Variants in MAF observed in about 807,000 individuals in gnomAD.
MAF encodes the protein MAF bZIP transcription factor.
Under a neutral mutation model 22.0 loss-of-function variants are expected in MAF, and 10 were observed. The ratio of observed to expected loss-of-function variants is 0.45; its 90% confidence interval spans 0.28 to 0.77. MAF has a LOEUF of 0.77. Ranked by LOEUF, MAF falls within the 30% of genes least tolerant of loss-of-function variation. MAF has a pLI of 0.12. For synonymous variants in MAF, 337 were observed against 255.8 expected (o/e 1.32, Z -3.03); for missense variants, 544 against 548.4 (o/e 0.99, Z 0.08).
intron 1 of MAF, chr16:79,595,436 G>GAAAAC (rs1913459246): frequency 9.5e-7 from 1 of 1,056,596 alleles, no homozygotes; most frequent in Non-Finnish European, 1.1e-6. Flanking sequence ...AAGAACGGCA[G>GAAAAC]AAAACAAAAC....
At chr16:79,390,540 A>C in the MAF span, among the ~76,000 whole-genome samples, 1 of 152,158 alleles carries the variant, frequency 6.6e-6, no homozygotes, top group African/African-American at 2.4e-5. Context: ...TCTTTTTACA[A>C]CTGCTAACAA....
At chr16:79,314,272 G>C in the MAF span, among the ~76,000 whole-genome samples, 1 of 152,152 alleles carries the variant, frequency 6.6e-6, no homozygotes, top group Non-Finnish European at 1.5e-5. Context: ...CACATTTGAG[G>C]TGACCTCCTC....
At chr16:79,587,207 T>C (rs1216785701) in intron 1 of MAF, among the ~76,000 whole-genome samples, 1 of 152,216 alleles carries the variant, frequency 6.6e-6, no homozygotes, top group African/African-American at 2.4e-5. Flanking sequence ...TCACATTTTG[T>C]ATAGAAATGC....
the MAF span, among the ~76,000 whole-genome samples, chr16:79,527,338 C>T: frequency 6.6e-6 from 1 of 152,166 alleles, no homozygotes; most frequent in Non-Finnish European, 1.5e-5. Flanking sequence ...ATCTAAATAA[C>T]CTCAAAAAGA....
the MAF span, among the ~76,000 whole-genome samples, chr16:79,344,275 T>A: frequency 2.0e-5 from 3 of 152,236 alleles, no homozygotes; most frequent in Non-Finnish European, 4.4e-5. Context: ...ATAACTCACC[T>A]GAGACTACCC....
At position 79,587,266 on chromosome 16, in the gene MAF, AT is replaced by A. The variant is rs886951820; in HGVS notation, c.1119-1326del. Reference sequence around the variant, plus strand: ...TACTCGCCTTTACGTATTAGTATACATTTTTTTTTGCCAAATATATAATTTC... The same window carrying A: ...TACTCGCCTTTACGTATTAGTATACATTTTTTTTGCCAAATATATAATTTC... On this transcript the variant is annotated intron_variant, in intron 1 of 1. Coordinates refer to the MAF transcript ENST00000569649. Among the ~76,000 whole-genome samples, 345 of 151,428 alleles carry A rather than the reference AT, an allele frequency of 2.3e-3. 1 individual carries two copies. Among genetic ancestry groups the A allele is most frequent in the Middle Eastern group, 6.8e-3 (2 of 292 alleles).
At chr16:79,396,888 G>A in the MAF span, among the ~76,000 whole-genome samples, 4 of 152,240 alleles carry the variant, frequency 2.6e-5, no homozygotes, top group African/African-American at 9.6e-5. Flanking sequence ...AAGCACTCCA[G>A]AATATCAGGT....
the MAF span, among the ~76,000 whole-genome samples, chr16:79,577,091 G>A: frequency 2.0e-5 from 3 of 151,868 alleles, no homozygotes; most frequent in Admixed American, 1.3e-4. Flanking sequence ...CTCTTTTTCA[G>A]TAGAAAAAAA....
the MAF span, among the ~76,000 whole-genome samples, chr16:79,222,100 G>C: frequency 6.6e-6 from 1 of 152,054 alleles, no homozygotes; most frequent in African/African-American, 2.4e-5. Context: ...TAGAAATGAT[G>C]TTTAAGACTA....
At chr16:79,417,875 C>A in the MAF span, among the ~76,000 whole-genome samples, 11 of 152,064 alleles carry the variant, frequency 7.2e-5, no homozygotes, top group African/African-American at 2.7e-4. Context: ...TCCACGATAA[C>A]GCATCCGTAT....
At chr16:79,362,103 C>T in the MAF span, among the ~76,000 whole-genome samples, 4 of 152,180 alleles carry the variant, frequency 2.6e-5, no homozygotes, top group East Asian at 1.9e-4. Flanking sequence ...TGATATCATG[C>T]CTCAGTTTCC....
At chr16:79,547,110 T>A in the MAF span, among the ~76,000 whole-genome samples, 6 of 152,090 alleles carry the variant, frequency 3.9e-5, no homozygotes, top group East Asian at 1.9e-4. Flanking sequence ...CTAGCACTGT[T>A]GGGGGAGGCA....
At chr16:79,379,192 G>C in the MAF span, among the ~76,000 whole-genome samples, 2 of 152,180 alleles carry the variant, frequency 1.3e-5, no homozygotes, top group Non-Finnish European at 2.9e-5. Flanking sequence ...AAGAGAAACA[G>C]CTCTCATCTT....
At chr16:79,569,895 T>A in the MAF span, among the ~76,000 whole-genome samples, 1 of 152,158 alleles carries the variant, frequency 6.6e-6, no homozygotes, top group African/African-American at 2.4e-5. Flanking sequence ...ACAATTGACG[T>A]TGGCTTCATG....
the MAF span, among the ~76,000 whole-genome samples, chr16:79,547,914 G>GAC: frequency 0.14 from 20,267 of 142,828 alleles, 1,448 homozygotes; most frequent in South Asian, 0.17. Flanking sequence ...GAGAGAGAGA[G>GAC]AGAGATAGAG....
At chr16:79,303,888 A>C in the MAF span, among the ~76,000 whole-genome samples, 1 of 152,204 alleles carries the variant, frequency 6.6e-6, no homozygotes, top group South Asian at 2.1e-4. Context: ...AAATCAACTT[A>C]TGTCATGTCA....
the MAF span, among the ~76,000 whole-genome samples, chr16:79,406,466 C>G: frequency 6.6e-5 from 10 of 152,302 alleles, no homozygotes; most frequent in Non-Finnish European, 1.0e-4. Flanking sequence ...TGAATTTAGG[C>G]TGGCTTCCGG....
chr16:79,440,309 G>T, the MAF span, among the ~76,000 whole-genome samples: 1 of 152,234 alleles, frequency 6.6e-6, no homozygotes, highest in African/African-American at 2.4e-5. Context: ...CACCCCAGTG[G>T]AAGGGCTGTG....
At chr16:79,294,364 A>C in the MAF span, among the ~76,000 whole-genome samples, 2 of 152,292 alleles carry the variant, frequency 1.3e-5, no homozygotes, top group East Asian at 3.9e-4. Context: ...TTCTTTGATC[A>C]ATAGGGCTTG....
Sources: gnomAD v4.1 joint callset for allele counts (sites outside exome capture counted in the v4.1 genomes callset) on GRCh38, gnomAD v4.1.1 for gene constraint, MANE v1.5 for transcripts, NCBI Gene and HGNC (gene_info 2026-07-23, HGNC 2026-07-21) for gene names.